The following NDRG2 variants were observed in gnomAD, a reference collection of about 807,000 sequenced individuals.
The protein encoded by NDRG2 is protein NDRG2.
A neutral mutation model predicts 58.2 loss-of-function variants in NDRG2; 34 were observed. The observed-to-expected ratio is 0.58, with a 90% confidence interval of 0.44 to 0.78. NDRG2 has a LOEUF of 0.78. Ranked by LOEUF, NDRG2 falls within the 30% of genes least tolerant of loss-of-function variation. The pLI is 0.00. For missense variants in NDRG2, 434 were observed against 471.2 expected (o/e 0.92, Z 0.73); for synonymous variants, 187 against 175.9 (o/e 1.06, Z -0.50).
chr14:21,028,257 T>C (rs1439339687), upstream of NDRG2, among the ~76,000 whole-genome samples: 1 of 151,892 alleles, frequency 6.6e-6, no homozygotes, highest in African/African-American at 2.4e-5. Context: ...TTTTGTTTTG[T>C]TTTGTTTTGT....
intron 4 of NDRG2, 29 bp from the exon 5 acceptor site, chr14:21,022,211 T>G (rs776606808): frequency 1.2e-6 from 2 of 1,613,994 alleles, no homozygotes; most frequent in Non-Finnish European, 8.5e-7. Flanking sequence ...ACCTCAACAA[T>G]AGAATCAGAC....
chr14:21,031,160 G>T (rs112271660), intron 1 of NDRG2: 3 of 1,613,282 alleles, frequency 1.9e-6, no homozygotes, highest in Non-Finnish European at 2.5e-6. Context: ...CACCACTGGC[G>T]CTACTGTGAG....
downstream of NDRG2, chr14:21,016,766 C>T (rs956657665): frequency 5.4e-5 from 23 of 427,048 alleles, no homozygotes; most frequent in East Asian, 1.4e-4. Flanking sequence ...AGAATAATAA[C>T]GGTACTCAGA....
chr14:21,020,888 C>T, intron 6 of NDRG2, 44 bp from the exon 7 acceptor site: 2 of 1,595,784 alleles, frequency 1.3e-6, no homozygotes, highest in Non-Finnish European at 1.7e-6. Flanking sequence ...ATCTGCTGTC[C>T]AAAACCTGCC....
rs370030188 is a variant in NDRG2 at position 21,017,772 on chromosome 14, C to A, written c.950-10G>T. The A allele has an allele frequency of 1.2e-6, 2 of 1,600,978 alleles. No homozygotes were observed. The highest frequency in any genetic ancestry group is 2.3e-5 in the East Asian group (1 of 44,308). ...ATGCAGGATGAGGCCACTGTGGAGA[C>A]AGCACGATGCACAAGCAGTCAGAGA... On this transcript the variant is annotated splice_polypyrimidine_tract_variant and intron_variant, in intron 15 of 15. Coordinates refer to ENST00000556147, the MANE Select transcript of NDRG2 (RefSeq NM_001320329.2).
chr14:21,039,373 G>T (rs954923029), intron 1 of NDRG2, among the ~76,000 whole-genome samples: 1 of 152,208 alleles, frequency 6.6e-6, no homozygotes, highest in African/African-American at 2.4e-5. Flanking sequence ...GAGATTGCTG[G>T]TGTAAGGGAC....
At chr14:21,054,649 C>T (rs1275344720) in intron 1 of NDRG2, among the ~76,000 whole-genome samples, 3 of 152,190 alleles carry the variant, frequency 2.0e-5, no homozygotes, top group African/African-American at 7.2e-5. Context: ...GGAAAGATAA[C>T]ATGAACTTTG....
rs772019669 is a variant in NDRG2 at position 21,018,779 on chromosome 14, G to A, written c.797C>T (p.Pro266Leu). ...PVMLVVGDQA[P>L]HEDAVVECNS... ...CCTACTAACCACTGCATCTTCATGA[G>A]GTGCTTGGTCTCCTACCACCAGCAT... is the stretch of plus-strand genomic sequence containing the variant. The change falls in exon 12 of 16, where the codon CCT (proline) becomes CTT (leucine). Residue 266 changes from proline (P) to leucine (L), a missense_variant. Pro to Leu is a moderately conservative substitution (Grantham distance 98). Transcript: ENST00000556147. 2 of 1,614,144 alleles carry A rather than the reference G, an allele frequency of 1.2e-6. No homozygotes were observed. Among genetic ancestry groups the A allele is most frequent in the Non-Finnish European group, 1.7e-6 (2 of 1,180,034 alleles).
At chr14:21,019,003 G>C in intron 11 of NDRG2, 113 bp downstream of exon 11, 1 of 1,297,806 alleles carries the variant, frequency 7.7e-7, no homozygotes, top group Non-Finnish European at 1.1e-6. Flanking sequence ...AATAGGATGG[G>C]GTGGGACATG....
chr14:21,065,461 T>G (rs924591384), intron 1 of NDRG2, among the ~76,000 whole-genome samples: 8 of 152,188 alleles, frequency 5.3e-5, no homozygotes, highest in South Asian at 2.1e-4. Context: ...AGTGACAAAA[T>G]AGACAAGGTC....
At chr14:21,062,373 G>A (rs4982401) in intron 1 of NDRG2, among the ~76,000 whole-genome samples, 94,953 of 152,008 alleles carry the variant, frequency 0.62, 29,870 homozygotes, top group Admixed American at 0.65. Context: ...GCGACTGGCA[G>A]TGGAGCCCTC....
At chr14:21,033,634 C>T in intron 1 of NDRG2, 2 of 612,198 alleles carry the variant, frequency 3.3e-6, no homozygotes, top group East Asian at 2.8e-5. Flanking sequence ...CTGGAAAGAA[C>T]CTAGAAGATA....
rs1437594816 is a variant in NDRG2, at chr14:21,020,845, CTG to C, written c.408-3_408-2del. On this transcript the variant is annotated splice_acceptor_variant and splice_polypyrimidine_tract_variant and intron_variant, in intron 6 of 15. Transcript: ENST00000556147. LOFTEE classifies it high-confidence loss of function. Reference sequence around the variant, plus strand: ...ACCAACTCCAATTATTGTAGAGAAACTGTGAAAGGGAAAGAAATATACGCCTC... The same window carrying C: ...ACCAACTCCAATTATTGTAGAGAAACTGAAAGGGAAAGAAATATACGCCTC... 2 of 1,613,212 alleles carry C rather than the reference CTG, an allele frequency of 1.2e-6. No individual in the cohort carries two copies. The highest frequency in any genetic ancestry group is 1.7e-6 in the Non-Finnish European group (2 of 1,179,866).
Position 21,022,138 on chromosome 14 carries a change from C to T in NDRG2, c.268G>A (p.Glu90Lys). 1.2e-6 allele frequency: 2 copies of T among 1,614,194 alleles called. No individual in the cohort carries two copies. Among genetic ancestry groups the T allele is most frequent in the South Asian group, 2.2e-5 (2 of 91,086 alleles). ...QPLFQFEDMQ[E>K]IIQNFVRVHV... The stretch of plus-strand genomic sequence containing the variant: ...ACCCGCACAAAGTTCTGAATGATTT[C>T]CTGCATGTCCTCGAACTGAAACAGT... The change falls in exon 5 of 16, where the codon GAA (glutamate) becomes AAA (lysine). Residue 90 changes from glutamate to lysine, a missense_variant. By Grantham distance (56) the Glu-to-Lys change is moderately conservative. Coordinates refer to ENST00000556147, the MANE Select transcript of NDRG2 (RefSeq NM_001320329.2).
chr14:21,040,432 C>G (rs1884835893), intron 1 of NDRG2, among the ~76,000 whole-genome samples: 1 of 152,218 alleles, frequency 6.6e-6, no homozygotes, highest in Non-Finnish European at 1.5e-5. Flanking sequence ...AAATTCTGGA[C>G]CAGAACACAA....
At chr14:21,043,087 G>T (rs1237122336) in intron 1 of NDRG2, 5 of 1,614,150 alleles carry the variant, frequency 3.1e-6, no homozygotes, top group Admixed American at 1.7e-5. Flanking sequence ...AAGCCCAAGG[G>T]CATGACCTCA....
At chr14:21,049,880 G>A (rs1407617155) in intron 1 of NDRG2, among the ~76,000 whole-genome samples, 1 of 151,732 alleles carries the variant, frequency 6.6e-6, no homozygotes, top group Admixed American at 6.6e-5. Context: ...AGGTTCAAGC[G>A]ATTCACCTAC....
intron 10 of NDRG2, 138 bp from the exon 11 acceptor site, chr14:21,019,298 G>C: frequency 1.2e-6 from 1 of 840,394 alleles, no homozygotes; most frequent in Non-Finnish European, 1.8e-6. Context: ...GAAACCAAAG[G>C]AGAAAGGGGC....
chr14:21,060,022 C>T (rs1224657636), intron 1 of NDRG2, among the ~76,000 whole-genome samples: 2 of 152,184 alleles, frequency 1.3e-5, no homozygotes, highest in Non-Finnish European at 2.9e-5. Context: ...GTGTGCACAA[C>T]ACCCACACCT....
Sources: gnomAD v4.1 joint callset for allele counts (sites outside exome capture counted in the v4.1 genomes callset) on GRCh38, gnomAD v4.1.1 for gene constraint, MANE v1.5 for transcripts, NCBI Gene and HGNC (gene_info 2026-07-23, HGNC 2026-07-21) for gene names.